Variants in GPC6 observed in about 807,000 individuals in gnomAD.
GPC6 encodes glypican-6.
Under a neutral mutation model 55.2 loss-of-function variants are expected in GPC6, and 14 were observed. The observed-to-expected ratio is 0.25, with a 90% CI of 0.17 to 0.40. The LOEUF (loss-of-function observed/expected upper bound fraction) is 0.40. GPC6 is among the 10% of genes least tolerant of loss of function. The probability of loss-of-function intolerance (pLI) is 1.00; values close to 1 mark genes in which losing one functional copy is unlikely to be tolerated. For missense variants in GPC6, 641 were observed against 708.5 expected (o/e 0.90, Z 1.08); for synonymous variants, 278 against 259.6 (o/e 1.07, Z -0.68).
chr13:93,726,030 T>C (rs1883623137), intron 2 of GPC6, among the ~76,000 whole-genome samples: 1 of 151,708 alleles, frequency 6.6e-6, no homozygotes. Context: ...TATATTTAGA[T>C]ATCCATAGCT....
In GPC6 at chr13:94,407,877, C is replaced by G. The variant is rs978018288; in HGVS notation, c.*4660C>G. On this transcript the variant is annotated 3_prime_UTR_variant, in exon 9 of 9. Coordinates refer to ENST00000377047, the MANE Select transcript of GPC6 (RefSeq NM_005708.5). ...TTATTGAACTCTTATTCTCTATAAACCCTGCTCTAGGGGATTTATCACTGG... is the reference window on the plus strand; with the variant it reads ...TTATTGAACTCTTATTCTCTATAAAGCCTGCTCTAGGGGATTTATCACTGG... 6.6e-6 allele frequency among the ~76,000 whole-genome samples: 1 copy of G among 152,130 alleles called. No homozygotes were observed. The highest frequency in any genetic ancestry group is 1.5e-5 in the Non-Finnish European group (1 of 68,014).
chr13:93,568,023 T>C (rs1273215983), intron 2 of GPC6, among the ~76,000 whole-genome samples: 1 of 152,162 alleles, frequency 6.6e-6, no homozygotes, highest in East Asian at 1.9e-4. Flanking sequence ...TAGTGCTATT[T>C]ATAGGTGGTA....
intron 2 of GPC6, among the ~76,000 whole-genome samples, chr13:93,767,053 AG>A (rs913758090): frequency 5.3e-5 from 8 of 152,002 alleles, no homozygotes; most frequent in Non-Finnish European, 1.0e-4. Context: ...CCCCAGAACT[AG>A]TGTTGATATT....
intron 2 of GPC6, among the ~76,000 whole-genome samples, chr13:93,567,824 T>C (rs930658764): frequency 1.3e-5 from 2 of 152,182 alleles, no homozygotes; most frequent in African/African-American, 4.8e-5. Context: ...GCACAGAAAT[T>C]AGGCTTTTTA....
At chr13:94,040,656 C>G (rs80059724) in intron 4 of GPC6, among the ~76,000 whole-genome samples, 1 of 151,812 alleles carries the variant, frequency 6.6e-6, no homozygotes, top group Non-Finnish European at 1.5e-5. Flanking sequence ...AGCCTGAGAA[C>G]GATGATTTCA....
At chr13:93,239,733 G>C (rs1038981764) in intron 1 of GPC6, among the ~76,000 whole-genome samples, 10 of 151,518 alleles carry the variant, frequency 6.6e-5, no homozygotes, top group African/African-American at 2.4e-4. Flanking sequence ...TTGTCAATTT[G>C]TGATCTTTTT....
chr13:93,631,199 T>C (rs912280264), intron 2 of GPC6, among the ~76,000 whole-genome samples: 2 of 152,000 alleles, frequency 1.3e-5, no homozygotes, highest in African/African-American at 4.8e-5. Flanking sequence ...ACAAGGACAG[T>C]CCCTACACAT....
chr13:93,411,961 C>A (rs1876511623), intron 1 of GPC6, among the ~76,000 whole-genome samples: 1 of 151,276 alleles, frequency 6.6e-6, no homozygotes, highest in South Asian at 2.1e-4. Flanking sequence ...CAAGATCATG[C>A]CACTTTACTC....
At chr13:93,827,786 G>A (rs886267873) in intron 2 of GPC6, among the ~76,000 whole-genome samples, 1 of 151,870 alleles carries the variant, frequency 6.6e-6, no homozygotes, top group Non-Finnish European at 1.5e-5. Context: ...TTAAACTTGG[G>A]AAAAACAAAC....
At chr13:93,553,605 G>A (rs1453142658) in intron 2 of GPC6, among the ~76,000 whole-genome samples, 1 of 144,696 alleles carries the variant, frequency 6.9e-6, no homozygotes, top group Non-Finnish European at 1.5e-5. Context: ...TGAGGCAGGA[G>A]AATCGCTTGT....
At chr13:94,099,066 A>G (rs1885760512) in intron 4 of GPC6, among the ~76,000 whole-genome samples, 1 of 152,170 alleles carries the variant, frequency 6.6e-6, no homozygotes, top group African/African-American at 2.4e-5. Flanking sequence ...AACTAAAGCC[A>G]TAACTAATTC....
intron 3 of GPC6, among the ~76,000 whole-genome samples, chr13:94,018,984 T>G (rs1882597423): frequency 6.6e-6 from 1 of 152,204 alleles, no homozygotes; most frequent in African/African-American, 2.4e-5. Context: ...TCCACGAAAC[T>G]TGTGCCAAAA....
intron 6 of GPC6, among the ~76,000 whole-genome samples, chr13:94,376,378 A>G (rs1879857292): frequency 6.6e-6 from 1 of 150,732 alleles, no homozygotes; most frequent in African/African-American, 2.4e-5. Context: ...AATGTAGAAA[A>G]ATCACAAGCA....
chr13:93,665,857 T>A (rs1284271898), intron 2 of GPC6, among the ~76,000 whole-genome samples: 1 of 152,186 alleles, frequency 6.6e-6, no homozygotes, highest in African/African-American at 2.4e-5. Context: ...ACTTTAATGA[T>A]AAGTACCATA....
intron 3 of GPC6, among the ~76,000 whole-genome samples, chr13:93,861,583 C>T (rs1415827860): frequency 6.6e-6 from 1 of 151,546 alleles, no homozygotes; most frequent in African/African-American, 2.4e-5. Flanking sequence ...ATTTTAAGCC[C>T]ATTTCTGGCA....
chr13:94,258,298 A>G (rs1891561488), intron 4 of GPC6, among the ~76,000 whole-genome samples: 1 of 152,214 alleles, frequency 6.6e-6, no homozygotes, highest in African/African-American at 2.4e-5. Flanking sequence ...TTTGGTTGGA[A>G]TCAAATTGGC....
At chr13:93,334,893 A>T (rs1879992274) in intron 1 of GPC6, among the ~76,000 whole-genome samples, 1 of 152,224 alleles carries the variant, frequency 6.6e-6, no homozygotes, top group South Asian at 2.1e-4. Flanking sequence ...CCAACCTTTA[A>T]CATAATTTAT....
At chr13:93,706,846 G>A (rs1461047103) in intron 2 of GPC6, among the ~76,000 whole-genome samples, 1 of 151,880 alleles carries the variant, frequency 6.6e-6, no homozygotes, top group African/African-American at 2.4e-5. Flanking sequence ...AGAGACAAAT[G>A]TGGTAACAGA....
chr13:93,334,648 C>T (rs553316598), intron 1 of GPC6, among the ~76,000 whole-genome samples: 16 of 151,826 alleles, frequency 1.1e-4, no homozygotes, highest in African/African-American at 3.6e-4. Flanking sequence ...TATAATTTTG[C>T]TAGAGACAGG....
Sources: allele counts gnomAD v4.1 joint callset (sites outside exome capture counted in the v4.1 genomes callset), GRCh38; gene constraint gnomAD v4.1.1; transcripts MANE v1.5; gene names NCBI Gene and HGNC (gene_info 2026-07-23, HGNC 2026-07-21).